ESPL1: variants seen among roughly 807,000 people sequenced by gnomAD.
ESPL1 encodes separin.
Under a neutral mutation model 217.2 loss-of-function variants are expected in ESPL1, and 50 were observed. The observed-to-expected ratio is 0.23, with a 90% confidence interval of 0.18 to 0.29. The LOEUF is 0.29. Ranked by LOEUF, ESPL1 falls within the 10% of genes least tolerant of loss-of-function variation. The pLI is 1.00. For synonymous variants in ESPL1, 994 were observed against 1,081.3 expected (o/e 0.92, Z 1.58); for missense variants, 1,834 against 2,603.0 (o/e 0.70, Z 6.43).
intron 17 of ESPL1, among the ~76,000 whole-genome samples, chr12:53,285,586 G>C (rs556547247): frequency 3.3e-5 from 5 of 152,206 alleles, no homozygotes; most frequent in African/African-American, 1.2e-4. Flanking sequence ...GTGGGCGCCT[G>C]TAGTCCCAGC....
intron 12 of ESPL1, among the ~76,000 whole-genome samples, chr12:53,280,229 A>G (rs1271986946): frequency 6.6e-6 from 1 of 152,068 alleles, no homozygotes; most frequent in Non-Finnish European, 1.5e-5. Context: ...TCGTCTTCTT[A>G]ACGACCACTG....
rs1018556870 is a variant in ESPL1 at position 53,275,035 on chromosome 12, G to A, written c.1700+25G>A. On this transcript the variant is annotated intron_variant, in intron 7 of 30. Transcript: ENST00000257934. ...AGTGAGTTGAGGGCCAGACGCAGTG[G>A]CTCATGCTTGTAATCCCAGCACTTT... 3.4e-6 allele frequency: 5 copies of A among 1,490,568 alleles called. No individual in the cohort carries two copies. The African/African-American group carries it at 7.1e-5, about 21-fold the overall frequency. The allele number at this position is 1,490,568 out of a possible 1,614,324, so 92.3% of individuals were successfully genotyped here.
chr12:53,288,679 C>T lies in ESPL1; in HGVS notation c.4688C>T (p.Pro1563Leu), dbSNP rs758117110. The T allele has an allele frequency of 6.2e-7, 1 of 1,612,974 alleles. No individual in the cohort carries two copies. Among genetic ancestry groups the T allele is most frequent in the African/African-American group, 1.3e-5 (1 of 74,892 alleles). The change falls in exon 20 of 31, where the codon CCC (proline) becomes CTC (leucine). Residue 1563 changes from proline (P) to leucine (L), a missense_variant. Pro to Leu is a moderately conservative substitution (Grantham distance 98). This residue lies in a region of ESPL1 where 681 missense variants were observed against 808.0 expected (regional missense o/e 0.84). Transcript: ENST00000257934. ...GACCTTGGTCCTCGGCTCCGGCTCC[C>T]CTCAGCCCCCGTAGCCACTGGTGAA... Reference protein sequence around the residue: ...DKDLGPRLRLPSAPVATGLST... With the variant: ...DKDLGPRLRLLSAPVATGLST...
At position 53,269,629 on chromosome 12, in the gene ESPL1, C is replaced by G; in HGVS notation, c.687C>G (p.Ile229Met). The G allele has an allele frequency of 1.9e-6, 3 of 1,614,246 alleles. No homozygotes were observed. Among genetic ancestry groups the G allele is most frequent in the Non-Finnish European group, 2.5e-6 (3 of 1,180,046 alleles). The change falls in exon 3 of 31, where the codon ATC becomes ATG. Residue 229 changes from isoleucine to methionine, a missense_variant. By Grantham distance (10) the Ile-to-Met change is conservative. Coordinates refer to ENST00000257934, the MANE Select transcript of ESPL1 (RefSeq NM_012291.5). The surrounding 1 kb of genome is among the most constrained non-coding windows in gnomAD (Gnocchi z 6.7). ...FLDDLLSRHVIRALVGERGSS... is the reference protein window; with the variant it reads ...FLDDLLSRHVMRALVGERGSS... ...ATGACCTGCTCTCCAGGCACGTGAT[C>G]AGAGCCTTGGTGGGTGAGAGAGGGA... is the stretch of plus-strand genomic sequence containing the variant.
chr12:53,278,207 G>A (rs933298302), intron 11 of ESPL1, among the ~76,000 whole-genome samples: 18 of 152,174 alleles, frequency 1.2e-4, no homozygotes, highest in African/African-American at 4.1e-4. Context: ...CTACTGCCTC[G>A]TGGCGTTATT....
intron 6 of ESPL1, 49 bp downstream of exon 6, chr12:53,272,906 C>CG (rs1565752446): frequency 9.4e-6 from 15 of 1,594,952 alleles, no homozygotes; most frequent in Admixed American, 1.7e-5. Context: ...GGTTGGGGAG[C>CG]GGGGGGAGCG....
rs766119226 is a variant in ESPL1, at chr12:53,288,005, C to T, written c.4210C>T (p.Pro1404Ser). Residue 1404 changes from proline (P) to serine (S), a missense_variant, in exon 19 of 31, where the codon CCT becomes TCT. Physicochemically the swap from Pro to Ser is moderately conservative, Grantham distance 74. Transcript: ENST00000257934. The part of the protein sequence containing the change: ...NFSDDSDLED[P>S]VSAEAWLAEE... Reference sequence around the variant, plus strand: ...CAGTGATGACAGTGACTTGGAAGACCCTGTCTCAGCTGAGGCCTGGCTGGC... The same window carrying T: ...CAGTGATGACAGTGACTTGGAAGACTCTGTCTCAGCTGAGGCCTGGCTGGC... 1.2e-6 allele frequency: 2 copies of T among 1,610,796 alleles called. No individual in the cohort carries two copies. Among genetic ancestry groups the T allele is most frequent in the Non-Finnish European group, 1.7e-6 (2 of 1,178,662 alleles).
intron 20 of ESPL1, 144 bp downstream of exon 20, chr12:53,288,843 G>T: frequency 1.3e-6 from 1 of 756,958 alleles, no homozygotes; most frequent in Non-Finnish European, 2.2e-6. Context: ...CTGTCTATGA[G>T]CTGTGTGCAG....
chr12:53,292,945 G>A lies in ESPL1; in HGVS notation c.6136G>A (p.Val2046Met), dbSNP rs912227150. 2.5e-6 allele frequency: 4 copies of A among 1,613,700 alleles called. No individual in the cohort carries two copies. Among genetic ancestry groups the A allele is most frequent in the East Asian group, 2.2e-5 (1 of 44,888 alleles). ...VRGNLEGAGI[V>M]LKYIMAGCPL... is the part of the protein sequence containing the mutation. The stretch of plus-strand genomic sequence containing the variant: ...TGGAAACCTGGAGGGGGCTGGCATC[G>A]TGCTCAAGTACATCATGGCTGGTTG... The change falls in exon 30 of 31, where the codon GTG (valine) becomes ATG (methionine). Residue 2046 changes from valine to methionine, a missense_variant. This residue lies in a region of ESPL1 where 295 missense variants were observed against 519.8 expected (regional missense o/e 0.57). Transcript: ENST00000257934. This position sits in a 1 kb window ranked among gnomAD's most constrained non-coding sequence, Gnocchi z 4.5.
rs369111669 is a variant in ESPL1, at chr12:53,293,196, C to T, written c.6162-77C>T. The T allele has an allele frequency of 9.4e-6, 12 of 1,279,730 alleles. No homozygotes were observed. The South Asian group carries it at 1.4e-4, about 15-fold the overall frequency. 79.3% of individuals were successfully genotyped at this position (1,279,730 alleles called of 1,614,324 possible). A position where few individuals can be genotyped will look rare whatever the true frequency, so the allele number is the denominator to read the frequency against. Reference sequence around the variant, plus strand: ...GGTTCAATCCTCTCCACTCACCCACCCCCACCACCAATGGTGTTTTCCTAT... The same window carrying T: ...GGTTCAATCCTCTCCACTCACCCACTCCCACCACCAATGGTGTTTTCCTAT... On this transcript the variant is annotated intron_variant, in intron 30 of 30. Transcript: ENST00000257934. This position sits in a 1 kb window ranked among gnomAD's most constrained non-coding sequence, Gnocchi z 4.2.
At chr12:53,275,483 G>A (rs1261007134) in intron 7 of ESPL1, among the ~76,000 whole-genome samples, 1 of 152,030 alleles carries the variant, frequency 6.6e-6, no homozygotes, top group Non-Finnish European at 1.5e-5. Context: ...AGTTGGGGAG[G>A]GGGTCAACCA....
rs1198122381 is a variant in ESPL1 at position 53,281,635 on chromosome 12, C to T, written c.2619+9C>T. On this transcript the variant is annotated intron_variant, in intron 13 of 30. Coordinates refer to ENST00000257934, the MANE Select transcript of ESPL1 (RefSeq NM_012291.5). ...ACTGGACTCACCAGAAGGTATTTCT[C>T]ACTTTCTTAAACTCCGAAGGCCCTG... 6.2e-7 allele frequency: 1 copy of T among 1,610,046 alleles called. No individual in the cohort carries two copies. The highest frequency in any genetic ancestry group is 2.2e-5 in the East Asian group (1 of 44,832).
At chr12:53,284,238 A>T in intron 17 of ESPL1, 71 bp downstream of exon 17, 3 of 972,402 alleles carry the variant, frequency 3.1e-6, no homozygotes, top group Non-Finnish European at 5.0e-6. Context: ...CTTTCTATGT[A>T]AAGGTTTCGT....
At chr12:53,288,930 T>C in intron 20 of ESPL1, 160 bp from the exon 21 acceptor site, 2 of 715,546 alleles carry the variant, frequency 2.8e-6, no homozygotes, top group Non-Finnish European at 2.4e-6. Flanking sequence ...AGTTGATGCC[T>C]GTTAGTTGCA....
At position 53,275,117 on chromosome 12, in the gene ESPL1, T is replaced by C. The variant is rs1433708925; in HGVS notation, c.1700+107T>C. 6 of 828,148 alleles carry C rather than the reference T, an allele frequency of 7.2e-6. No individual in the cohort carries two copies. In the Admixed American group the frequency reaches 9.7e-5, roughly 13 times the overall value. The allele number at this position is 828,148 out of a possible 1,614,324, so 51.3% of individuals were successfully genotyped here. A position where few individuals can be genotyped will look rare whatever the true frequency, so the allele number is the denominator to read the frequency against. ...CAGGAGTTTGAGACCATGGCCAACATGGTGAAACCCCGTCTCTACTACAAA... is the reference window on the plus strand; with the variant it reads ...CAGGAGTTTGAGACCATGGCCAACACGGTGAAACCCCGTCTCTACTACAAA... On this transcript the variant is annotated intron_variant, in intron 7 of 30. Coordinates refer to ENST00000257934, the MANE Select transcript of ESPL1 (RefSeq NM_012291.5).
rs143458983 is a variant in ESPL1, at chr12:53,281,530, G to A, written c.2523G>A (p.Ser841=). The change falls in exon 13 of 31, where the codon TCG becomes TCA. Residue 841 remains serine (S), a synonymous_variant. Transcript: ENST00000257934. ...AGTTACACCTGGAAGAGGCAGCATC[G>A]AGCCTGAAGCATCTCGATCAGACTA... ...YAQLHLEEAA[S]SLKHLDQTTD... 6.0e-5 allele frequency: 97 copies of A among 1,613,636 alleles called. No homozygotes were observed. Among genetic ancestry groups the A allele is most frequent in the Non-Finnish European group, 7.4e-5 (87 of 1,179,828 alleles).
chr12:53,292,445 G>T lies in ESPL1; in HGVS notation c.5912+52G>T. 1 of 1,439,408 alleles carries T rather than the reference G, an allele frequency of 6.9e-7. No individual in the cohort carries two copies. The highest frequency in any genetic ancestry group is 9.8e-7 in the Non-Finnish European group (1 of 1,020,652). 89.2% of individuals were successfully genotyped at this position (1,439,408 alleles called of 1,614,324 possible). On this transcript the variant is annotated intron_variant, in intron 28 of 30. Coordinates refer to ENST00000257934, the MANE Select transcript of ESPL1 (RefSeq NM_012291.5). This position sits in a 1 kb window ranked among gnomAD's most constrained non-coding sequence, Gnocchi z 4.5. ...TGTGGGGAAGGGTAGACAACATACA[G>T]GGGCAACAAGCCTTTTCTCCAGAAA... is the stretch of plus-strand genomic sequence containing the variant.
In ESPL1 at chr12:53,292,102, CGTA is replaced by C. The variant is rs1565766956; in HGVS notation, c.5796+17_5796+19del. On this transcript the variant is annotated intron_variant, in intron 27 of 30. Transcript: ENST00000257934. This position sits in a 1 kb window ranked among gnomAD's most constrained non-coding sequence, Gnocchi z 4.5. Reference sequence around the variant, plus strand: ...ATCATCAAAGAGGTGGGGTTCAGGGCGTAGTGTCTGGGGATGACTGGCGACTGG... The same window carrying C: ...ATCATCAAAGAGGTGGGGTTCAGGGCGTGTCTGGGGATGACTGGCGACTGG... 1 of 1,599,010 alleles carries C rather than the reference CGTA, an allele frequency of 6.3e-7. No homozygotes were observed. Among genetic ancestry groups the C allele is most frequent in the South Asian group, 1.1e-5 (1 of 90,754 alleles).
At chr12:53,291,464 G>T (rs1387461484) in intron 25 of ESPL1, among the ~76,000 whole-genome samples, 2 of 151,898 alleles carry the variant, frequency 1.3e-5, no homozygotes, top group Middle Eastern at 3.2e-3. Context: ...GGTGGCACAT[G>T]CCTGTAGTCC....
Sources: allele counts gnomAD v4.1 joint callset (sites outside exome capture counted in the v4.1 genomes callset), GRCh38; gene constraint gnomAD v4.1.1; regional missense constraint gnomAD v4.1.1; non-coding constraint Gnocchi (gnomAD v3.1); transcripts MANE v1.5; gene names NCBI Gene and HGNC (gene_info 2026-07-23, HGNC 2026-07-21).